HEXB: variants seen among roughly 807,000 people sequenced by gnomAD.
HEXB encodes the protein beta-hexosaminidase subunit beta.
HEXB carries 51 observed loss-of-function variants against 71.2 expected under a neutral mutation model. The ratio of observed to expected loss-of-function variants is 0.72; its 90% CI spans 0.57 to 0.90. The LOEUF (loss-of-function observed/expected upper bound fraction) is 0.90. Among genes scored for constraint, HEXB ranks in the 40% least tolerant of loss-of-function variants. The pLI is 0.00. For missense variants in HEXB, 617 were observed against 677.0 expected, an observed-to-expected ratio of 0.91 and a Z score of 0.98; for synonymous variants, 266 against 249.3, an observed-to-expected ratio of 1.07 and a Z score of -0.63.
At position 74,641,824 on chromosome 5, in the gene HEXB, G is replaced by C. The variant is rs1334392392; in HGVS notation, c.-377+1266G>C. Among the ~76,000 whole-genome samples, 1 of 152,116 alleles carries C rather than the reference G, an allele frequency of 6.6e-6. No individual in the cohort carries two copies. Among genetic ancestry groups the C allele is most frequent in the African/African-American group, 2.4e-5 (1 of 41,432 alleles). On this transcript the variant is annotated intron_variant, in intron 1 of 13. Transcript: ENST00000511181. This position sits in a 1 kb window ranked among gnomAD's most constrained non-coding sequence, Gnocchi z 4.1. ...TTTGGAGCTAAGTCTATAAATGAAC[G>C]GGATAGATGACCGGTCCAGCCCCCT... is the stretch of plus-strand genomic sequence containing the variant.
At chr5:74,704,050 G>A (rs987570353) in intron 5 of HEXB, among the ~76,000 whole-genome samples, 2 of 152,224 alleles carry the variant, frequency 1.3e-5, no homozygotes, top group African/African-American at 2.4e-5. Flanking sequence ...CAATTGCAGA[G>A]TGGAGTAGGT....
In HEXB at chr5:74,689,509, A is replaced by G; in HGVS notation, c.445+36A>G. On this transcript the variant is annotated intron_variant, in intron 2 of 13. Transcript: ENST00000261416. ...ATGCAATGTGAGTGTATTATATCCC[A>G]GGTGCTCGCTGACGGACTTAAGTGC... 1.9e-6 allele frequency: 3 copies of G among 1,593,122 alleles called. No homozygotes were observed. In the South Asian group the frequency reaches 3.3e-5, roughly 18 times the overall value.
In HEXB at chr5:74,679,006, A is replaced by G. The variant is rs115944319; in HGVS notation, c.-376-10322A>G. The stretch of plus-strand genomic sequence containing the variant: ...TAATGTGGAATGAGGTTGTAGAGAA[A>G]TGGATACTCATACACTGTTGCCGTT... On this transcript the variant is annotated intron_variant, in intron 1 of 13. Coordinates refer to the HEXB transcript ENST00000511181. Among the ~76,000 whole-genome samples the G allele has an allele frequency of 4.7e-3, 711 of 152,376 alleles. 5 individuals carry two copies. The highest frequency in any genetic ancestry group is 0.016 in the African/African-American group (681 of 41,590).
intron 5 of HEXB, among the ~76,000 whole-genome samples, chr5:74,703,650 CA>C (rs1339760508): frequency 6.6e-6 from 1 of 151,996 alleles, no homozygotes; most frequent in African/African-American, 2.4e-5. Flanking sequence ...CCCCAAAGGC[CA>C]AATCCAGTTC....
In HEXB at chr5:74,705,308, G is replaced by A. The variant is rs1749360226; in HGVS notation, c.759G>A (p.Glu253=). 1 of 1,574,984 alleles carries A rather than the reference G, an allele frequency of 6.3e-7. No homozygotes were observed. Among genetic ancestry groups the A allele is most frequent in the Non-Finnish European group, 8.7e-7 (1 of 1,144,520 alleles). ...CATATCAGAGCATCACTTTTCCTGA[G>A]TTAAGCAATAAAGTGAGTAAATTGT... ...SFPYQSITFP[E]LSNKGSYSLS... is the part of the protein sequence containing the mutation. The change falls in exon 6 of 14, where the codon GAG becomes GAA. Residue 253 remains glutamate (E), a synonymous_variant. Transcript: ENST00000261416.
chr5:74,649,691 G>C (rs1330500389), intron 1 of HEXB, among the ~76,000 whole-genome samples: 3 of 152,202 alleles, frequency 2.0e-5, no homozygotes, highest in East Asian at 3.9e-4. Flanking sequence ...CAAATGAGAA[G>C]CTGGAATCAA....
At chr5:74,697,359 A>G (rs1209746205) in intron 5 of HEXB, among the ~76,000 whole-genome samples, 4 of 152,192 alleles carry the variant, frequency 2.6e-5, no homozygotes, top group Non-Finnish European at 4.4e-5. Context: ...AGAGAAGGAC[A>G]GTTTAAACAC....
intron 1 of HEXB, among the ~76,000 whole-genome samples, chr5:74,662,170 T>A (rs569577915): frequency 2.8e-4 from 42 of 152,340 alleles, no homozygotes; most frequent in African/African-American, 9.9e-4. Context: ...TAAGCTTTTT[T>A]TTTTCAGTCT....
chr5:74,664,109 A>C (rs1352193297), intron 1 of HEXB, among the ~76,000 whole-genome samples: 1 of 151,804 alleles, frequency 6.6e-6, no homozygotes, highest in East Asian at 1.9e-4. Flanking sequence ...AAAAAAAATT[A>C]GCTGGGTGTG....
intron 1 of HEXB, among the ~76,000 whole-genome samples, chr5:74,644,857 C>T (rs1388810016): frequency 7.6e-5 from 11 of 144,690 alleles, no homozygotes; most frequent in African/African-American, 2.3e-4. Context: ...CTACAACCTC[C>T]CCCTCTCAGA....
intron 1 of HEXB, among the ~76,000 whole-genome samples, chr5:74,673,587 C>A (rs1466648121): frequency 3.3e-5 from 5 of 152,170 alleles, no homozygotes; most frequent in African/African-American, 1.2e-4. Flanking sequence ...CAGAGGCTGG[C>A]AACTACACTT....
At chr5:74,703,609 A>G (rs1580387771) in intron 5 of HEXB, among the ~76,000 whole-genome samples, 1 of 152,178 alleles carries the variant, frequency 6.6e-6, no homozygotes, top group South Asian at 2.1e-4. Context: ...CTATTTCTAT[A>G]TCTGCTAATA....
chr5:74,649,195 C>T (rs1748058496), intron 1 of HEXB, among the ~76,000 whole-genome samples: 1 of 152,140 alleles, frequency 6.6e-6, no homozygotes, highest in African/African-American at 2.4e-5. Flanking sequence ...GCCGTGAGCT[C>T]CTGTGTTCCT....
At chr5:74,687,747 A>G (rs1430810147) in intron 1 of HEXB, among the ~76,000 whole-genome samples, 2 of 152,222 alleles carry the variant, frequency 1.3e-5, no homozygotes, top group Non-Finnish European at 2.9e-5. Flanking sequence ...TTTTGTAAGT[A>G]TGTATTTCGG....
At chr5:74,686,546 C>T (rs1392392094) in intron 1 of HEXB, among the ~76,000 whole-genome samples, 1 of 152,200 alleles carries the variant, frequency 6.6e-6, no homozygotes, top group Non-Finnish European at 1.5e-5. Context: ...ATAATGTGTT[C>T]TGACCCCAGA....
chr5:74,660,418 G>A (rs1055837612), intron 1 of HEXB, among the ~76,000 whole-genome samples: 1 of 152,212 alleles, frequency 6.6e-6, no homozygotes, highest in Non-Finnish European at 1.5e-5. Context: ...TGTTAAAAGA[G>A]GCTGATATGG....
chr5:74,649,801 A>G (rs1181077555), intron 1 of HEXB, among the ~76,000 whole-genome samples: 1 of 152,250 alleles, frequency 6.6e-6, no homozygotes, highest in Admixed American at 6.5e-5. Context: ...TCTGGCACAC[A>G]GTACCCATAA....
At position 74,652,587 on chromosome 5, in the gene HEXB, C is replaced by T. The variant is rs1748138910; in HGVS notation, c.-377+12029C>T. Among the ~76,000 whole-genome samples the T allele has an allele frequency of 6.6e-6, 1 of 152,110 alleles. No individual in the cohort carries two copies. Among genetic ancestry groups the T allele is most frequent in the Non-Finnish European group, 1.5e-5 (1 of 68,020 alleles). On this transcript the variant is annotated intron_variant, in intron 1 of 13. Transcript: ENST00000511181. The surrounding 1 kb of genome is among the most constrained non-coding windows in gnomAD (Gnocchi z 5.4). Reference sequence around the variant, plus strand: ...ATTTTTCTAGAACAGAACTTTTTACCATAAGACCCTAATCTGCTAGTTTGG... The same window carrying T: ...ATTTTTCTAGAACAGAACTTTTTACTATAAGACCCTAATCTGCTAGTTTGG...
chr5:74,705,792 T>C (rs56091958), intron 6 of HEXB: 6,035 of 199,978 alleles, frequency 0.03, 124 homozygotes, highest in South Asian at 0.069. Flanking sequence ...GACTGTATCA[T>C]GGACCAATGG....
Sources: allele counts gnomAD v4.1 joint callset (sites outside exome capture counted in the v4.1 genomes callset), GRCh38; gene constraint gnomAD v4.1.1; non-coding constraint Gnocchi (gnomAD v3.1); transcripts MANE v1.5; gene names NCBI Gene and HGNC (gene_info 2026-07-23, HGNC 2026-07-21).